FARSB: variants seen among roughly 807,000 people sequenced by gnomAD.
FARSB encodes the protein phenylalanyl-tRNA synthetase subunit beta, also known as phenylalanine--tRNA ligase beta subunit.
Under a neutral mutation model 69.6 loss-of-function variants are expected in FARSB, and 40 were observed. That is an observed-to-expected ratio of 0.57 (90% CI 0.45 to 0.75). The LOEUF (loss-of-function observed/expected upper bound fraction) is 0.75. Among genes scored for constraint, FARSB ranks in the 30% least tolerant of loss-of-function variants. FARSB has a pLI of 0.00. For missense variants in FARSB, 632 were observed against 722.9 expected (o/e 0.87, Z 1.44); for synonymous variants, 235 against 247.2 (o/e 0.95, Z 0.46).
At chr2:222,633,536 G>C (rs1691492897) in intron 6 of FARSB, among the ~76,000 whole-genome samples, 1 of 151,944 alleles carries the variant, frequency 6.6e-6, no homozygotes, top group Non-Finnish European at 1.5e-5. Context: ...TACAAAATTA[G>C]CCAGGCGTGG....
At chr2:222,594,485 AAAGT>A (rs1227770430) in intron 16 of FARSB, among the ~76,000 whole-genome samples, 1 of 152,206 alleles carries the variant, frequency 6.6e-6, no homozygotes, top group Non-Finnish European at 1.5e-5. Context: ...GAAATTTTTA[AAAGT>A]AAGCTTTACA....
chr2:222,597,312 C>T (rs1690445484), intron 16 of FARSB, among the ~76,000 whole-genome samples: 1 of 151,896 alleles, frequency 6.6e-6, no homozygotes, highest in Non-Finnish European at 1.5e-5. Context: ...CAAAAGGAAC[C>T]ACAAGTCTGA....
Position 222,630,146 on chromosome 2 carries a change from G to T in FARSB, c.815C>A (p.Thr272Asn). The change falls in exon 9 of 17, where the codon ACC becomes AAC. Residue 272 changes from threonine to asparagine, a missense_variant. Transcript: ENST00000281828. ...KAKIVLDIIV[T>N]MFSEYCENQF... Reference sequence around the variant, plus strand: ...ATTCTCACAATATTCACTGAACATGGTGACAATAATATCAAGAACTATTTT... The same window carrying T: ...ATTCTCACAATATTCACTGAACATGTTGACAATAATATCAAGAACTATTTT... 1 of 1,554,558 alleles carries T rather than the reference G, an allele frequency of 6.4e-7. No individual in the cohort carries two copies. The highest frequency in any genetic ancestry group is 8.7e-7 in the Non-Finnish European group (1 of 1,151,680).
Position 222,623,649 on chromosome 2 carries a change from C to T in FARSB, c.1251+1G>A. 6.4e-7 allele frequency: 1 copy of T among 1,570,990 alleles called. No homozygotes were observed. Among genetic ancestry groups the T allele is most frequent in the Non-Finnish European group, 8.8e-7 (1 of 1,140,826 alleles). ...GGGCAGAAAAAGCATGTAAGACATACCAGGGCAAAGGTAAGTGCTTCAGTG... is the reference window on the plus strand; with the variant it reads ...GGGCAGAAAAAGCATGTAAGACATATCAGGGCAAAGGTAAGTGCTTCAGTG... On this transcript the variant is annotated splice_donor_variant, in intron 13 of 16. Transcript: ENST00000281828. LOFTEE classifies it high-confidence loss of function.
chr2:222,632,478 G>T (rs1691458032), intron 7 of FARSB, among the ~76,000 whole-genome samples: 1 of 152,188 alleles, frequency 6.6e-6, no homozygotes, highest in Admixed American at 6.5e-5. Flanking sequence ...ATCTTGAGAA[G>T]AAGCTTCTCC....
intron 16 of FARSB, among the ~76,000 whole-genome samples, chr2:222,586,655 T>C (rs1574913923): frequency 1.3e-5 from 2 of 151,928 alleles, no homozygotes. Context: ...AATAAAGGGA[T>C]GGAGGAAGAT....
At chr2:222,603,514 AT>A (rs1559198577) in intron 15 of FARSB, among the ~76,000 whole-genome samples, 2 of 151,802 alleles carry the variant, frequency 1.3e-5, no homozygotes, top group African/African-American at 4.8e-5. Flanking sequence ...CAATTTATCT[AT>A]AATCTTATTT....
At position 222,624,253 on chromosome 2, in the gene FARSB, T is replaced by C; in HGVS notation, c.1170+19A>G. 1 of 1,497,498 alleles carries C rather than the reference T, an allele frequency of 6.7e-7. No individual in the cohort carries two copies. The highest frequency in any genetic ancestry group is 9.3e-7 in the Non-Finnish European group (1 of 1,075,176). 92.8% of individuals were successfully genotyped at this position (1,497,498 alleles called of 1,614,324 possible). ...AGTTTCTAACAATAAGGAGTGTTTA[T>C]TTAAGGGTGCAATCTTACTTGATTA... is the stretch of plus-strand genomic sequence containing the variant. On this transcript the variant is annotated intron_variant, in intron 12 of 16. Coordinates refer to ENST00000281828, the MANE Select transcript of FARSB (RefSeq NM_005687.5).
intron 16 of FARSB, among the ~76,000 whole-genome samples, chr2:222,574,808 G>GT (rs1054677676): frequency 6.6e-6 from 1 of 152,168 alleles, no homozygotes; most frequent in Non-Finnish European, 1.5e-5. Flanking sequence ...CAAGGTTAAG[G>GT]TTCTGTCCTC....
chr2:222,622,997 A>C (rs146798073), intron 13 of FARSB, among the ~76,000 whole-genome samples: 20 of 152,304 alleles, frequency 1.3e-4, no homozygotes, highest in Non-Finnish European at 2.2e-4. Flanking sequence ...GAAAAAGAAG[A>C]AGCTTCCTTT....
At chr2:222,577,180 G>A (rs1689859504) in intron 16 of FARSB, among the ~76,000 whole-genome samples, 1 of 152,188 alleles carries the variant, frequency 6.6e-6, no homozygotes, top group Non-Finnish European at 1.5e-5. Context: ...ACTCAGTTGG[G>A]AGAAAATGTC....
chr2:222,614,444 A>C (rs1455664679), intron 14 of FARSB, among the ~76,000 whole-genome samples: 4 of 152,220 alleles, frequency 2.6e-5, no homozygotes, highest in Non-Finnish European at 5.9e-5. Context: ...CATTTTAAAA[A>C]CTAAAGTTTG....
chr2:222,652,242 G>GTAA (rs1319848934), intron 1 of FARSB, among the ~76,000 whole-genome samples: 7 of 152,206 alleles, frequency 4.6e-5, no homozygotes, highest in African/African-American at 1.7e-4. Context: ...AGCTGCTGCT[G>GTAA]TAATGGGATG....
intron 16 of FARSB, among the ~76,000 whole-genome samples, chr2:222,594,569 A>G (rs964643656): frequency 6.6e-6 from 1 of 152,168 alleles, no homozygotes; most frequent in African/African-American, 2.4e-5. Flanking sequence ...CAGTATATAT[A>G]TAGTGAATCT....
intron 1 of FARSB, among the ~76,000 whole-genome samples, chr2:222,650,572 G>A (rs544259316): frequency 1.3e-3 from 204 of 152,286 alleles, no homozygotes; most frequent in African/African-American, 4.7e-3. Flanking sequence ...ATGACTCCCC[G>A]ATCTCTGGTT....
chr2:222,619,857 T>C (rs542315852), intron 13 of FARSB, 120 bp from the exon 14 acceptor site: 164 of 566,264 alleles, frequency 2.9e-4, no homozygotes, highest in Non-Finnish European at 3.0e-4. Context: ...TATCAGCAAG[T>C]TAAGAATAGG....
At chr2:222,644,217 A>G (rs1691791124) in intron 2 of FARSB, among the ~76,000 whole-genome samples, 2 of 152,212 alleles carry the variant, frequency 1.3e-5, no homozygotes, top group South Asian at 4.1e-4. Context: ...ACTTCTGGCC[A>G]CGAGTATTAT....
At position 222,634,397 on chromosome 2, in the gene FARSB, T is replaced by C. The variant is rs1011984619; in HGVS notation, c.600A>G (p.Ile200Met). Reference sequence around the variant, plus strand: ...AATCAAAAAGAATATTTACCTTGTATATGTTCATCAGTTCACAGGCTGTAT... The same window carrying C: ...AATCAAAAAGAATATTTACCTTGTACATGTTCATCAGTTCACAGGCTGTAT... Reference protein sequence around the residue: ...KEYTACELMNIYKTDNHLKHY... With the variant: ...KEYTACELMNMYKTDNHLKHY... The change falls in exon 6 of 17, where the codon ATA (isoleucine) becomes ATG (methionine). Residue 200 changes from isoleucine (I) to methionine (M), a missense_variant. Transcript: ENST00000281828. The C allele has an allele frequency of 1.3e-6, 2 of 1,571,870 alleles. No individual in the cohort carries two copies. Among genetic ancestry groups the C allele is most frequent in the Non-Finnish European group, 1.7e-6 (2 of 1,160,504 alleles).
In FARSB at chr2:222,633,963, C is replaced by T. The variant is rs1196985400; in HGVS notation, c.606+428G>A. On this transcript the variant is annotated intron_variant, in intron 6 of 16. Coordinates refer to ENST00000281828, the MANE Select transcript of FARSB (RefSeq NM_005687.5). Reference sequence around the variant, plus strand: ...TGACCCTGCTTTTTCTAAACGACACCTATTTTTTCTACTTATTAAATACAA... The same window carrying T: ...TGACCCTGCTTTTTCTAAACGACACTTATTTTTTCTACTTATTAAATACAA... Among the ~76,000 whole-genome samples, 2 of 152,114 alleles carry T rather than the reference C, an allele frequency of 1.3e-5. 1 individual carries two copies. Among genetic ancestry groups the T allele is most frequent in the African/African-American group, 4.8e-5 (2 of 41,422 alleles).
Sources: gnomAD v4.1 joint callset for allele counts (sites outside exome capture counted in the v4.1 genomes callset) on GRCh38, gnomAD v4.1.1 for gene constraint, MANE v1.5 for transcripts, NCBI Gene and HGNC (gene_info 2026-07-23, HGNC 2026-07-21) for gene names.